The following CXXC5 variants were observed in gnomAD, a reference collection of about 807,000 sequenced individuals.
CXXC5 encodes CXXC-type zinc finger protein 5.
A neutral mutation model predicts 17.6 loss-of-function variants in CXXC5; 2 were observed. The ratio of observed to expected loss-of-function variants is 0.11; its 90% CI spans 0.05 to 0.36. CXXC5 has a LOEUF of 0.36. Ranked by LOEUF, CXXC5 falls within the 10% of genes least tolerant of loss-of-function variation. The probability of loss-of-function intolerance (pLI) is 1.00; values close to 1 mark genes in which losing one functional copy is unlikely to be tolerated. For missense variants in CXXC5, 343 were observed against 458.3 expected, an observed-to-expected ratio of 0.75 and a Z score of 2.30; for synonymous variants, 171 against 193.0, an observed-to-expected ratio of 0.89 and a Z score of 0.94.
chr5:139,677,925 C>T (rs1460386546), intron 1 of CXXC5, among the ~76,000 whole-genome samples: 1 of 152,252 alleles, frequency 6.6e-6, no homozygotes, highest in Admixed American at 6.5e-5. Context: ...GAGCCAGATC[C>T]TGGAGCTGGG....
intron 1 of CXXC5, among the ~76,000 whole-genome samples, chr5:139,653,708 G>A (rs1755330561): frequency 6.6e-6 from 1 of 152,184 alleles, no homozygotes; most frequent in Admixed American, 6.5e-5. Flanking sequence ...ACCTGGGCCA[G>A]GCCACATCTT....
intron 1 of CXXC5, among the ~76,000 whole-genome samples, chr5:139,665,964 G>A (rs1259751750): frequency 6.6e-6 from 1 of 152,264 alleles, no homozygotes; most frequent in East Asian, 1.9e-4. Flanking sequence ...TGACCCCAGT[G>A]TCTCAAGTGC....
intron 1 of CXXC5, among the ~76,000 whole-genome samples, chr5:139,652,090 C>A (rs949842869): frequency 2.7e-5 from 4 of 150,356 alleles, no homozygotes; most frequent in African/African-American, 4.9e-5. Context: ...TCCCTCTTTT[C>A]TTTTTTCTGG....
intron 1 of CXXC5, among the ~76,000 whole-genome samples, chr5:139,672,973 G>A (rs1756567636): frequency 6.6e-6 from 1 of 152,120 alleles, no homozygotes; most frequent in Admixed American, 6.5e-5. Flanking sequence ...GTGCATCCCT[G>A]GACTAGCCTT....
At chr5:139,657,418 G>A (rs1358784538) in intron 1 of CXXC5, among the ~76,000 whole-genome samples, 1 of 152,248 alleles carries the variant, frequency 6.6e-6, no homozygotes, top group Admixed American at 6.5e-5. Context: ...CTTGGCAATG[G>A]GCTGGATGTG....
At chr5:139,667,867 T>C (rs1756196981) in intron 1 of CXXC5, among the ~76,000 whole-genome samples, 1 of 152,224 alleles carries the variant, frequency 6.6e-6, no homozygotes, top group Non-Finnish European at 1.5e-5. Context: ...CACTGTTATT[T>C]TGTTATCATT....
At chr5:139,678,759 C>A (rs1341068260) in intron 1 of CXXC5, among the ~76,000 whole-genome samples, 2 of 152,152 alleles carry the variant, frequency 1.3e-5, no homozygotes, top group African/African-American at 4.8e-5. Flanking sequence ...GGACAAAGAT[C>A]CAGTGTGTGC....
At chr5:139,666,128 G>A (rs1026870035) in intron 1 of CXXC5, among the ~76,000 whole-genome samples, 8 of 152,192 alleles carry the variant, frequency 5.3e-5, no homozygotes, top group Admixed American at 1.3e-4. Context: ...GGCCTTGCCC[G>A]GCTTCTCAGC....
chr5:139,674,435 G>T (rs1434537890), intron 1 of CXXC5, among the ~76,000 whole-genome samples: 1 of 152,192 alleles, frequency 6.6e-6, no homozygotes, highest in African/African-American at 2.4e-5. Context: ...CTGCATGGAA[G>T]CGTGGAAAGT....
intron 1 of CXXC5, among the ~76,000 whole-genome samples, chr5:139,673,887 A>G (rs943158049): frequency 6.6e-6 from 1 of 150,950 alleles, no homozygotes. Flanking sequence ...TACATACTCC[A>G]GGTTTGCTCA....
chr5:139,666,739 A>G (rs558421689), intron 1 of CXXC5, among the ~76,000 whole-genome samples: 1 of 152,344 alleles, frequency 6.6e-6, no homozygotes, highest in East Asian at 1.9e-4. Context: ...AGGGACGCAT[A>G]ACCACTTGAA....
intron 1 of CXXC5, among the ~76,000 whole-genome samples, chr5:139,656,523 C>T (rs531221352): frequency 2.2e-4 from 34 of 152,332 alleles, no homozygotes; most frequent in Admixed American, 1.8e-3. Flanking sequence ...CAGGCAGGGC[C>T]GTGCCTCCTG....
chr5:139,674,655 A>G (rs1756678969), intron 1 of CXXC5, among the ~76,000 whole-genome samples: 1 of 152,224 alleles, frequency 6.6e-6, no homozygotes, highest in Admixed American at 6.5e-5. Context: ...TCATTAAATT[A>G]TATGTATACT....
intron 1 of CXXC5, among the ~76,000 whole-genome samples, chr5:139,655,021 G>A (rs1198146241): frequency 6.6e-6 from 1 of 152,178 alleles, no homozygotes; most frequent in Non-Finnish European, 1.5e-5. Flanking sequence ...GAAGCTGGAT[G>A]TCTCCCGCTC....
intron 1 of CXXC5, among the ~76,000 whole-genome samples, chr5:139,650,474 G>A (rs555972298): frequency 6.6e-5 from 10 of 152,324 alleles, no homozygotes; most frequent in African/African-American, 1.9e-4. Flanking sequence ...CCTCGCCCCC[G>A]CCGGAGCCGC....
rs942415043 is a variant in CXXC5 at position 139,658,605 on chromosome 5, G to A, written c.-161+9760G>A. Reference sequence around the variant, plus strand: ...CAGGCACAGGAGGGGTCCTCTTGGCGGTGCCCGCCCGCCCGCTGCCCACGC... The same window carrying A: ...CAGGCACAGGAGGGGTCCTCTTGGCAGTGCCCGCCCGCCCGCTGCCCACGC... On this transcript the variant is annotated intron_variant, in intron 1 of 2. Coordinates refer to ENST00000302517, the MANE Select transcript of CXXC5 (RefSeq NM_016463.9). This position sits in a 1 kb window ranked among gnomAD's most constrained non-coding sequence, Gnocchi z 4.1. Among the ~76,000 whole-genome samples the A allele has an allele frequency of 6.6e-6, 1 of 152,144 alleles. No individual in the cohort carries two copies. The highest frequency in any genetic ancestry group is 2.4e-5 in the African/African-American group (1 of 41,436).
At chr5:139,660,391 C>G (rs139590690) in intron 1 of CXXC5, among the ~76,000 whole-genome samples, 1 of 152,284 alleles carries the variant, frequency 6.6e-6, no homozygotes, top group African/African-American at 2.4e-5. Context: ...CCGGCCAGGG[C>G]AGATTGGAGG....
chr5:139,649,641 C>G (rs1363047719), intron 1 of CXXC5: 2 of 152,328 alleles, frequency 1.3e-5, no homozygotes, highest in African/African-American at 4.8e-5. Flanking sequence ...GCCCCTCCCT[C>G]CCTCCTTTCC....
chr5:139,666,809 A>G (rs1756138994), intron 1 of CXXC5, among the ~76,000 whole-genome samples: 1 of 152,176 alleles, frequency 6.6e-6, no homozygotes, highest in African/African-American at 2.4e-5. Flanking sequence ...TGGGTGGAAG[A>G]GCAGTGAGCT....
Sources: gnomAD v4.1 joint callset for allele counts (sites outside exome capture counted in the v4.1 genomes callset) on GRCh38, gnomAD v4.1.1 for gene constraint, Gnocchi (gnomAD v3.1) non-coding constraint, MANE v1.5 for transcripts, NCBI Gene and HGNC (gene_info 2026-07-23, HGNC 2026-07-21) for gene names.